REEP3: variants seen among roughly 807,000 people sequenced by gnomAD.
REEP3 encodes receptor accessory protein 3.
A neutral mutation model predicts 41.3 loss-of-function variants in REEP3; 20 were observed. That is an observed-to-expected ratio of 0.48 (90% CI 0.34 to 0.70). The LOEUF is 0.70. Ranked by LOEUF, REEP3 falls within the 30% of genes least tolerant of loss-of-function variation. The pLI, the probability that REEP3 is intolerant of heterozygous loss-of-function variation, is 0.01. For missense variants in REEP3, 271 were observed against 308.8 expected (o/e 0.88, Z 0.92); for synonymous variants, 104 against 101.8 (o/e 1.02, Z -0.13).
intron 2 of REEP3, among the ~76,000 whole-genome samples, chr10:63,583,033 T>C (rs1955969305): frequency 6.6e-6 from 1 of 152,194 alleles, no homozygotes; most frequent in Non-Finnish European, 1.5e-5. Context: ...CCACCCAGGC[T>C]GGAGTGCAGT....
At chr10:63,550,314 A>G (rs887626718) in intron 1 of REEP3, among the ~76,000 whole-genome samples, 2 of 152,216 alleles carry the variant, frequency 1.3e-5, no homozygotes, top group Admixed American at 6.5e-5. Flanking sequence ...TTGTTTGGGA[A>G]TATGGAAGTT....
At chr10:63,521,615 G>T in intron 1 of REEP3, 38 bp downstream of exon 1, 1 of 1,370,858 alleles carries the variant, frequency 7.3e-7, no homozygotes, top group Non-Finnish European at 9.6e-7. Context: ...CCGGCGCGAG[G>T]CCCAGGGGAG....
At chr10:63,595,026 A>G (rs1956100771) in intron 3 of REEP3, among the ~76,000 whole-genome samples, 172 bp downstream of exon 3, 1 of 152,038 alleles carries the variant, frequency 6.6e-6, no homozygotes, top group Admixed American at 6.6e-5. Flanking sequence ...TTTAGTCCCC[A>G]TCAAATAAAG....
At chr10:63,589,941 C>T (rs1183603771) in intron 2 of REEP3, among the ~76,000 whole-genome samples, 4 of 151,816 alleles carry the variant, frequency 2.6e-5, no homozygotes, top group East Asian at 1.9e-4. Flanking sequence ...ATTACAGACA[C>T]GCACTACCAT....
intron 1 of REEP3, among the ~76,000 whole-genome samples, chr10:63,557,968 C>T (rs909060279): frequency 6.6e-6 from 1 of 152,134 alleles, no homozygotes; most frequent in Non-Finnish European, 1.5e-5. Context: ...GAAAGCTAAG[C>T]ATTGCATTGT....
At chr10:63,596,903 A>G (rs1042703457) in intron 3 of REEP3, among the ~76,000 whole-genome samples, 1 of 152,158 alleles carries the variant, frequency 6.6e-6, no homozygotes, top group Non-Finnish European at 1.5e-5. Context: ...TTGGCCTCCC[A>G]AAGTGCTGGG....
chr10:63,597,977 GGTTT>G (rs972321604), intron 3 of REEP3, 43 bp from the exon 4 acceptor site: 12 of 1,544,274 alleles, frequency 7.8e-6, no homozygotes, highest in Non-Finnish European at 1.1e-5. Flanking sequence ...TTTCTACAGT[GGTTT>G]GTTTTTCACT....
At chr10:63,571,794 C>T (rs1955854800) in intron 2 of REEP3, among the ~76,000 whole-genome samples, 1 of 152,152 alleles carries the variant, frequency 6.6e-6, no homozygotes, top group Non-Finnish European at 1.5e-5. Flanking sequence ...AGAAAATATT[C>T]CAGTATTACA....
chr10:63,609,325 G>A (rs761431829), intron 5 of REEP3, among the ~76,000 whole-genome samples: 5 of 152,034 alleles, frequency 3.3e-5, no homozygotes, highest in East Asian at 1.9e-4. Flanking sequence ...GGTGGTGGGC[G>A]CCTGTAGTCC....
intron 2 of REEP3, among the ~76,000 whole-genome samples, chr10:63,591,512 C>G (rs1240411228): frequency 6.6e-6 from 1 of 152,118 alleles, no homozygotes; most frequent in African/African-American, 2.4e-5. Flanking sequence ...GTCAATTCAC[C>G]AGGAAAATGC....
chr10:63,573,074 G>A (rs919413917), intron 2 of REEP3, among the ~76,000 whole-genome samples: 3 of 152,060 alleles, frequency 2.0e-5, no homozygotes, highest in Admixed American at 1.3e-4. Flanking sequence ...AAACATTTTC[G>A]GTTAATTTAC....
intron 6 of REEP3, among the ~76,000 whole-genome samples, chr10:63,613,304 C>A (rs1006325035): frequency 6.6e-6 from 1 of 152,220 alleles, no homozygotes; most frequent in African/African-American, 2.4e-5. Context: ...GCCACTGTGC[C>A]TGGCCACCTA....
intron 1 of REEP3, among the ~76,000 whole-genome samples, chr10:63,553,206 T>A (rs891694660): frequency 2.4e-4 from 36 of 152,210 alleles, no homozygotes; most frequent in African/African-American, 8.4e-4. Flanking sequence ...GAGATTGTTC[T>A]AGCTACAGGG....
intron 5 of REEP3, among the ~76,000 whole-genome samples, chr10:63,600,706 C>G (rs1488342195): frequency 3.3e-5 from 5 of 151,992 alleles, no homozygotes; most frequent in Admixed American, 3.3e-4. Context: ...ATAATATTTC[C>G]CAGAACTGAA....
At chr10:63,591,688 T>G (rs978205183) in intron 2 of REEP3, among the ~76,000 whole-genome samples, 1 of 152,258 alleles carries the variant, frequency 6.6e-6, no homozygotes, top group African/African-American at 2.4e-5. Context: ...CATATTTATT[T>G]TGTGAGTTTT....
intron 1 of REEP3, among the ~76,000 whole-genome samples, chr10:63,555,750 C>T (rs1261206377): frequency 6.6e-6 from 1 of 152,100 alleles, no homozygotes; most frequent in East Asian, 1.9e-4. Context: ...AGTTTTAATC[C>T]AACACCAAAC....
intron 3 of REEP3, among the ~76,000 whole-genome samples, chr10:63,595,406 C>T (rs1956104489): frequency 6.6e-6 from 1 of 152,216 alleles, no homozygotes; most frequent in African/African-American, 2.4e-5. Flanking sequence ...CTTAACTGGA[C>T]AACTCAAATC....
chr10:63,620,775 T>TTA lies in REEP3; in HGVS notation c.712-38_712-37insTA, dbSNP rs1211552849. The TTA allele has an allele frequency of 1.4e-5, 19 of 1,365,094 alleles. No homozygotes were observed. The Middle Eastern group carries it at 1.4e-3, about 104-fold the overall frequency. 84.6% of individuals were successfully genotyped at this position (1,365,094 alleles called of 1,614,324 possible). A position where few individuals can be genotyped will look rare whatever the true frequency, so the allele number is the denominator to read the frequency against. On this transcript the variant is annotated intron_variant, in intron 7 of 7. Transcript: ENST00000373758. The stretch of plus-strand genomic sequence containing the variant: ...AATCTGATGTAATTTTTTAAAGTAA[T>TTA]CATCTAATTCTTAATAATAAAACAT...
chr10:63,573,103 A>T (rs977661469), intron 2 of REEP3, among the ~76,000 whole-genome samples: 1 of 152,188 alleles, frequency 6.6e-6, no homozygotes, highest in African/African-American at 2.4e-5. Context: ...ACCCCCAACT[A>T]CTACCATTCC....
Sources: gnomAD v4.1 joint callset for allele counts (sites outside exome capture counted in the v4.1 genomes callset) on GRCh38, gnomAD v4.1.1 for gene constraint, MANE v1.5 for transcripts, NCBI Gene and HGNC (gene_info 2026-07-23, HGNC 2026-07-21) for gene names.